The following GON4L variants were observed in gnomAD, a reference collection of about 807,000 sequenced individuals.
GON4L encodes the protein GON-4-like protein.
Under a neutral mutation model 211.8 loss-of-function variants are expected in GON4L, and 87 were observed. The ratio of observed to expected loss-of-function variants is 0.41; its 90% CI spans 0.35 to 0.49. GON4L has a LOEUF of 0.49. Ranked by LOEUF, GON4L falls within the 20% of genes least tolerant of loss-of-function variation. The pLI is 0.15. For synonymous variants in GON4L, 875 were observed against 962.6 expected (o/e 0.91, Z 1.68); for missense variants, 2,155 against 2,659.5 (o/e 0.81, Z 4.17).
At chr1:155,837,727 C>T (rs766270390) in intron 2 of GON4L, among the ~76,000 whole-genome samples, 1 of 151,994 alleles carries the variant, frequency 6.6e-6, no homozygotes, top group Non-Finnish European at 1.5e-5. Context: ...TCATCTCCTC[C>T]TCCTCTGAAG....
Position 155,749,914 on chromosome 1 carries a change from C to T in GON4L, c.*670G>A. The T allele has an allele frequency of 1.9e-6, 3 of 1,543,626 alleles. No homozygotes were observed. Among genetic ancestry groups the T allele is most frequent in the East Asian group, 4.5e-5 (2 of 44,038 alleles). ...CATCTACAGGTCTCTGTTTCCTCTCCCTCCACAGCAGTGGAGAGCATCCCA... is the reference window on the plus strand; with the variant it reads ...CATCTACAGGTCTCTGTTTCCTCTCTCTCCACAGCAGTGGAGAGCATCCCA... On this transcript the variant is annotated 3_prime_UTR_variant, in exon 32 of 32. Coordinates refer to ENST00000368331, the MANE Select transcript of GON4L (RefSeq NM_001282860.2).
chr1:155,803,996 T>C (rs549304067), intron 11 of GON4L, among the ~76,000 whole-genome samples: 6 of 152,320 alleles, frequency 3.9e-5, no homozygotes, highest in East Asian at 3.9e-4. Flanking sequence ...CCCAGCAAGA[T>C]AGAGTTAGGA....
intron 2 of GON4L, among the ~76,000 whole-genome samples, chr1:155,836,453 T>A (rs1467535091): frequency 6.6e-6 from 1 of 152,130 alleles, no homozygotes; most frequent in Non-Finnish European, 1.5e-5. Flanking sequence ...TTTCACCACA[T>A]TGGCCAGGTT....
chr1:155,805,995 T>G (rs1667093640), intron 10 of GON4L, among the ~76,000 whole-genome samples: 1 of 150,772 alleles, frequency 6.6e-6, no homozygotes, highest in Non-Finnish European at 1.5e-5. Context: ...GGTGTTTTTT[T>G]TTTTTTTTTT....
intron 12 of GON4L, among the ~76,000 whole-genome samples, chr1:155,787,121 A>T (rs1260158603): frequency 6.6e-6 from 1 of 151,118 alleles, no homozygotes; most frequent in East Asian, 2.0e-4. Context: ...ACGGGGTTTC[A>T]CCATGGTCTC....
At chr1:155,802,447 A>G (rs1455755509) in intron 11 of GON4L, among the ~76,000 whole-genome samples, 1 of 152,198 alleles carries the variant, frequency 6.6e-6, no homozygotes, top group Non-Finnish European at 1.5e-5. Context: ...AATCCAGCAT[A>G]TAGAGTATAT....
intron 8 of GON4L, 116 bp from the exon 9 acceptor site, chr1:155,814,565 G>T: frequency 9.4e-7 from 1 of 1,062,634 alleles, no homozygotes; most frequent in Non-Finnish European, 1.4e-6. Context: ...GGCCAACATG[G>T]TGAACACCCG....
chr1:155,795,280 G>T, intron 11 of GON4L, 129 bp from the exon 12 acceptor site: 1 of 676,250 alleles, frequency 1.5e-6, no homozygotes, highest in Non-Finnish European at 2.7e-6. Flanking sequence ...AGGCTGGAGT[G>T]CAGTGGTACA....
intron 11 of GON4L, among the ~76,000 whole-genome samples, chr1:155,797,858 A>G (rs1408552920): frequency 2.0e-5 from 3 of 149,910 alleles, no homozygotes; most frequent in African/African-American, 7.4e-5. Flanking sequence ...CTAACAAGAA[A>G]AAAAAAAAAA....
At position 155,758,470 on chromosome 1, in the gene GON4L, T is replaced by C. The variant is rs369457383; in HGVS notation, c.5110-436A>G. Among the ~76,000 whole-genome samples the C allele has an allele frequency of 1.6e-3, 241 of 152,280 alleles. 1 individual carries two copies. Among genetic ancestry groups the C allele is most frequent in the African/African-American group, 5.5e-3 (228 of 41,544 alleles). On this transcript the variant is annotated intron_variant, in intron 24 of 31. Coordinates refer to ENST00000368331, the MANE Select transcript of GON4L (RefSeq NM_001282860.2). ...CAGCAACATACTGAGACTATGTCTC[T>C]ACAAAAAAATTTAAAAATTAGGCAG...
At chr1:155,858,188 G>A (rs947240299), upstream of GON4L, among the ~76,000 whole-genome samples, 4 of 152,126 alleles carry the variant, frequency 2.6e-5, no homozygotes, top group African/African-American at 9.7e-5. Context: ...ATGAGCGAAT[G>A]AATGAATGAC....
At position 155,818,421 on chromosome 1, in the gene GON4L, A is replaced by G. The variant is rs191346464; in HGVS notation, c.1015-2159T>C. 1.7e-3 allele frequency among the ~76,000 whole-genome samples: 259 copies of G among 152,240 alleles called. 1 individual carries two copies. Among genetic ancestry groups the G allele is most frequent in the Non-Finnish European group, 2.8e-3 (192 of 68,012 alleles). On this transcript the variant is annotated intron_variant, in intron 6 of 31. Coordinates refer to ENST00000368331, the MANE Select transcript of GON4L (RefSeq NM_001282860.2). ...GCCACCGTGCCCAGCCATGTTAATT[A>G]TATTCTATATGTCAAGTAGACTTCA...
At chr1:155,767,002 C>T in intron 20 of GON4L, 1 of 548,160 alleles carries the variant, frequency 1.8e-6, no homozygotes, top group South Asian at 2.0e-5. Context: ...GCCGAGATCG[C>T]ACCTTAGCCT....
chr1:155,764,969 G>A (rs752228878), intron 21 of GON4L, 31 bp downstream of exon 21: 24 of 1,613,868 alleles, frequency 1.5e-5, no homozygotes, highest in Middle Eastern at 1.6e-4. Flanking sequence ...CTGAGTCCAC[G>A]AAATACTTGA....
chr1:155,808,605 A>G (rs1178396243), intron 10 of GON4L, among the ~76,000 whole-genome samples: 1 of 152,036 alleles, frequency 6.6e-6, no homozygotes, highest in African/African-American at 2.4e-5. Flanking sequence ...TTTAAATGCC[A>G]TCTCCTCAAA....
At chr1:155,782,660 TTTTA>T (rs1248965430) in intron 14 of GON4L, among the ~76,000 whole-genome samples, 8 of 151,660 alleles carry the variant, frequency 5.3e-5, no homozygotes, top group Admixed American at 3.3e-4. Flanking sequence ...ACTTTACAAA[TTTTA>T]TTTATTTTAT....
rs547159615 is a variant in GON4L, at chr1:155,759,111, C to T, written c.5110-1077G>A. Among the ~76,000 whole-genome samples the T allele has an allele frequency of 2.0e-5, 3 of 152,298 alleles. No individual in the cohort carries two copies. In the East Asian group the frequency reaches 5.8e-4, roughly 30 times the overall value. On this transcript the variant is annotated intron_variant, in intron 24 of 31. Transcript: ENST00000368331. ...TCTCAGGCTCAAGTGGTCCTCCCAC[C>T]TCAGCCACCCAAATAGCTGGGACCA...
At position 155,795,156 on chromosome 1, in the gene GON4L, G is replaced by A; in HGVS notation, c.1646-5C>T. The A allele has an allele frequency of 1.3e-6, 2 of 1,512,920 alleles. No individual in the cohort carries two copies. Among genetic ancestry groups the A allele is most frequent in the Middle Eastern group, 1.7e-4 (1 of 5,876 alleles). The allele number at this position is 1,512,920 out of a possible 1,614,324, so 93.7% of individuals were successfully genotyped here. The stretch of plus-strand genomic sequence containing the variant: ...CATCATCATCATCTGCTTCATCTAG[G>A]AAAAAAAAGTGTTTCAGATGCTCAT... On this transcript the variant is annotated splice_region_variant and splice_polypyrimidine_tract_variant and intron_variant, in intron 11 of 31. Transcript: ENST00000368331.
intron 19 of GON4L, among the ~76,000 whole-genome samples, chr1:155,769,494 G>A (rs554779068): frequency 6.6e-6 from 1 of 152,228 alleles, no homozygotes; most frequent in South Asian, 2.1e-4. Context: ...GAGTGGAATA[G>A]TGTCAGAGGG....
Sources: gnomAD v4.1 joint callset for allele counts (sites outside exome capture counted in the v4.1 genomes callset) on GRCh38, gnomAD v4.1.1 for gene constraint, MANE v1.5 for transcripts, NCBI Gene and HGNC (gene_info 2026-07-23, HGNC 2026-07-21) for gene names.